ZNF76: variants seen among roughly 807,000 people sequenced by gnomAD.
ZNF76 encodes the protein zinc finger protein 76.
A neutral mutation model predicts 66.9 loss-of-function variants in ZNF76; 66 were observed. That is an observed-to-expected ratio of 0.99 (90% CI 0.81 to 1.21). The LOEUF (loss-of-function observed/expected upper bound fraction) is 1.21, where lower values mean the gene tolerates loss of function less well. Ranked by LOEUF, ZNF76 falls within the 50% of genes most tolerant of loss-of-function variation. The pLI is 0.00. For missense variants in ZNF76, 729 were observed against 760.3 expected (o/e 0.96, Z 0.48); for synonymous variants, 275 against 296.1 (o/e 0.93, Z 0.73).
At chr6:35,266,417 T>A (rs1450812111) in intron 1 of ZNF76, among the ~76,000 whole-genome samples, 2 of 152,158 alleles carry the variant, frequency 1.3e-5, no homozygotes, top group African/African-American at 4.8e-5. Flanking sequence ...ATTTTTGGCC[T>A]AAGTAACAAA....
Position 35,292,824 on chromosome 6 carries a change from G to A in ZNF76, c.1165+37G>A. On this transcript the variant is annotated intron_variant, in intron 10 of 13. Coordinates refer to ENST00000373953, the MANE Select transcript of ZNF76 (RefSeq NM_003427.5). This position sits in a 1 kb window ranked among gnomAD's most constrained non-coding sequence, Gnocchi z 4.7. ...GGGCAGAGGGTGAGAGTGGGGACAAGCCAGGCCTCCCCATGGCATCTGGTA... is the reference window on the plus strand; with the variant it reads ...GGGCAGAGGGTGAGAGTGGGGACAAACCAGGCCTCCCCATGGCATCTGGTA... 6.2e-7 allele frequency: 1 copy of A among 1,613,798 alleles called. No homozygotes were observed. The highest frequency in any genetic ancestry group is 2.2e-5 in the East Asian group (1 of 44,872).
At chr6:35,269,409 G>A (rs1786683101) in intron 1 of ZNF76, among the ~76,000 whole-genome samples, 1 of 151,894 alleles carries the variant, frequency 6.6e-6, no homozygotes, top group Non-Finnish European at 1.5e-5. Flanking sequence ...GTCATTACCT[G>A]GAAGCCAGAG....
intron 4 of ZNF76, 75 bp downstream of exon 4, chr6:35,286,474 T>C (rs1354151831): frequency 1.4e-6 from 2 of 1,387,586 alleles, no homozygotes; most frequent in Non-Finnish European, 2.0e-6. Context: ...GACTGGAGGA[T>C]GGGATGGCAC....
At chr6:35,273,525 A>G (rs1024406399) in intron 1 of ZNF76, among the ~76,000 whole-genome samples, 5 of 151,840 alleles carry the variant, frequency 3.3e-5, no homozygotes, top group Admixed American at 1.3e-4. Context: ...GCTCACACCT[A>G]TAATCCCAGT....
In ZNF76 at chr6:35,291,844, T is replaced by G. The variant is rs780933506; in HGVS notation, c.931+107T>G. 4.4e-6 allele frequency: 6 copies of G among 1,363,900 alleles called. No individual in the cohort carries two copies. In the African/African-American group the frequency reaches 7.2e-5, roughly 16 times the overall value. The allele number at this position is 1,363,900 out of a possible 1,614,324, so 84.5% of individuals were successfully genotyped here. A position where few individuals can be genotyped will look rare whatever the true frequency, so the allele number is the denominator to read the frequency against. ...CAACTCCCAGCCCAGAACCCTTCTG[T>G]GCCAGCCATTCCAGGCTGGTCTGGG... On this transcript the variant is annotated intron_variant, in intron 9 of 13. Coordinates refer to ENST00000373953, the MANE Select transcript of ZNF76 (RefSeq NM_003427.5).
intron 1 of ZNF76, among the ~76,000 whole-genome samples, chr6:35,278,465 G>A (rs765227288): frequency 1.3e-5 from 2 of 152,216 alleles, no homozygotes; most frequent in Non-Finnish European, 2.9e-5. Flanking sequence ...CCAGTTGGTC[G>A]CTTCTGGCTT....
At position 35,268,559 on chromosome 6, in the gene ZNF76, T is replaced by C. The variant is rs1786506239; in HGVS notation, c.-97+8718T>C. ...TGGCTCACACCTGTAATCCGCACTT[T>C]GGGAGGCTGAGATGGGCAGATCACG... On this transcript the variant is annotated intron_variant, in intron 1 of 13. Coordinates refer to ENST00000373953, the MANE Select transcript of ZNF76 (RefSeq NM_003427.5). Among the ~76,000 whole-genome samples, 3 of 152,026 alleles carry C rather than the reference T, an allele frequency of 2.0e-5. No individual in the cohort carries two copies. The South Asian group carries it at 6.2e-4, about 32-fold the overall frequency.
chr6:35,262,462 G>T (rs1180802662), intron 1 of ZNF76, among the ~76,000 whole-genome samples: 1 of 152,076 alleles, frequency 6.6e-6, no homozygotes, highest in Non-Finnish European at 1.5e-5. Context: ...CTTGTTCTAT[G>T]AATCTTTGAC....
At position 35,291,667 on chromosome 6, in the gene ZNF76, C is replaced by G; in HGVS notation, c.861C>G (p.Cys287Trp). The change falls in exon 9 of 14, where the codon TGC becomes TGG. Residue 287 changes from cysteine (C) to tryptophan (W), a missense_variant. Coordinates refer to ENST00000373953, the MANE Select transcript of ZNF76 (RefSeq NM_003427.5). ...RTHTGERPYT[C>W]PEPHCGRGFT... ...ACACAGGCGAGAGGCCCTACACCTG[C>G]CCGGAGCCCCACTGTGGCCGCGGCT... The G allele has an allele frequency of 6.2e-7, 1 of 1,613,864 alleles. No homozygotes were observed. Among genetic ancestry groups the G allele is most frequent in the Non-Finnish European group, 8.5e-7 (1 of 1,180,014 alleles).
At chr6:35,286,026 CT>C in intron 2 of ZNF76, 101 bp from the exon 3 acceptor site, 1 of 1,056,614 alleles carries the variant, frequency 9.5e-7, no homozygotes, top group Non-Finnish European at 1.5e-6. Flanking sequence ...GACCTGCAGG[CT>C]CGTGCCTAGA....
chr6:35,273,511 A>G (rs1204126468), intron 1 of ZNF76, among the ~76,000 whole-genome samples: 1 of 151,588 alleles, frequency 6.6e-6, no homozygotes, highest in African/African-American at 2.4e-5. Context: ...GGCCAGGCAC[A>G]ATGGCTCACA....
At chr6:35,261,695 A>G (rs1785279066) in intron 1 of ZNF76, among the ~76,000 whole-genome samples, 1 of 152,194 alleles carries the variant, frequency 6.6e-6, no homozygotes, top group Non-Finnish European at 1.5e-5. Flanking sequence ...TCCTAAATAC[A>G]ACATCAGCTC....
At chr6:35,293,130 G>A in intron 11 of ZNF76, 86 bp downstream of exon 11, 1 of 1,471,372 alleles carries the variant, frequency 6.8e-7, no homozygotes, top group East Asian at 2.3e-5. Context: ...AGTTCTGACA[G>A]CCCCACTGCC....
rs1790523783 is a variant in ZNF76, at chr6:35,292,364, G to T, written c.932-190G>T. ...TTCCGCCTTGTCTCTGGATTCAGTG[G>T]TTCAACACCTGTGTCCTCTCTGTGT... On this transcript the variant is annotated intron_variant, in intron 9 of 13. Coordinates refer to ENST00000373953, the MANE Select transcript of ZNF76 (RefSeq NM_003427.5). The surrounding 1 kb of genome is among the most constrained non-coding windows in gnomAD (Gnocchi z 4.7). The T allele has an allele frequency of 3.1e-6, 2 of 639,808 alleles. No homozygotes were observed. Among genetic ancestry groups the T allele is most frequent in the Admixed American group, 5.2e-5 (2 of 38,478 alleles). 39.6% of individuals were successfully genotyped at this position (639,808 alleles called of 1,614,324 possible). A position where few individuals can be genotyped will look rare whatever the true frequency, so the allele number is the denominator to read the frequency against.
rs371009598 is a variant in ZNF76, at chr6:35,286,142, G to T, written c.88G>T (p.Glu30Ter). Residue 30 changes from glutamate (E) to a stop codon, truncating the protein, a stop_gained, in exon 3 of 14, where the codon GAA becomes TAA. Coordinates refer to ENST00000373953, the MANE Select transcript of ZNF76 (RefSeq NM_003427.5). LOFTEE classifies it high-confidence loss of function. ...QQAVKGEKLL[E>*]GQVIQLEDGT... ...ACTCTTAACAGGAGAGAAGCTTCTT[G>T]AAGGGCAGGTGATCCAGCTCGAGGA... 1 of 1,614,144 alleles carries T rather than the reference G, an allele frequency of 6.2e-7. No individual in the cohort carries two copies. Among genetic ancestry groups the T allele is most frequent in the Non-Finnish European group, 8.5e-7 (1 of 1,180,018 alleles).
In ZNF76 at chr6:35,276,013, G is replaced by C. The variant is rs6940090; in HGVS notation, c.-96-5043G>C. On this transcript the variant is annotated intron_variant, in intron 1 of 13. Transcript: ENST00000373953. The stretch of plus-strand genomic sequence containing the variant: ...GCCAGCCAGCCTGGCTTTGAATTCT[G>C]GCTTCAACACATAGTAGTGTTGGAA... Among the ~76,000 whole-genome samples the C allele has an allele frequency of 1.7e-3, 256 of 152,252 alleles. 2 individuals are homozygous for C. The highest frequency in any genetic ancestry group is 7.6e-3 in the Admixed American group (116 of 15,294).
intron 4 of ZNF76, 178 bp downstream of exon 4, chr6:35,286,577 C>A (rs1789601976): frequency 1.5e-6 from 1 of 648,740 alleles, no homozygotes; most frequent in Non-Finnish European, 2.8e-6. Flanking sequence ...TGGTGCAGAC[C>A]ACAGGAGCAG....
At chr6:35,281,372 G>A in intron 2 of ZNF76, 148 bp downstream of exon 2, 1 of 687,238 alleles carries the variant, frequency 1.5e-6, no homozygotes, top group African/African-American at 1.8e-5. Flanking sequence ...AGAATCTCCT[G>A]TGGTGCTTGA....
chr6:35,267,052 G>C (rs1363368074), intron 1 of ZNF76, among the ~76,000 whole-genome samples: 4 of 151,996 alleles, frequency 2.6e-5, no homozygotes, highest in African/African-American at 9.7e-5. Context: ...GCCCGCCTTG[G>C]CCTCCCAAAG....
Sources: gnomAD v4.1 joint callset for allele counts (sites outside exome capture counted in the v4.1 genomes callset) on GRCh38, gnomAD v4.1.1 for gene constraint, Gnocchi (gnomAD v3.1) non-coding constraint, MANE v1.5 for transcripts, NCBI Gene and HGNC (gene_info 2026-07-23, HGNC 2026-07-21) for gene names.